The following CACNA2D1 variants were observed in gnomAD, a reference collection of about 807,000 sequenced individuals.
CACNA2D1 encodes voltage-dependent calcium channel subunit alpha-2/delta-1.
CACNA2D1 carries 53 observed loss-of-function variants against 171.5 expected under a neutral mutation model. That is an observed-to-expected ratio of 0.31 (90% CI 0.25 to 0.39). CACNA2D1 has a LOEUF of 0.39. Among genes scored for constraint, CACNA2D1 ranks in the 10% least tolerant of loss-of-function variants. The pLI, the probability that CACNA2D1 is intolerant of heterozygous loss-of-function variation, is 1.00. For synonymous variants in CACNA2D1, 442 were observed against 443.1 expected, an observed-to-expected ratio of 1.00 and a Z score of 0.03; for missense variants, 903 against 1,299.8, an observed-to-expected ratio of 0.69 and a Z score of 4.69.
intron 3 of CACNA2D1, among the ~76,000 whole-genome samples, chr7:82,198,056 A>G (rs1404738043): frequency 6.6e-5 from 10 of 152,112 alleles, no homozygotes; most frequent in African/African-American, 2.2e-4. Flanking sequence ...GAATGAGCTC[A>G]TGGTCCCAGG....
chr7:82,076,845 A>G (rs1386759138), intron 7 of CACNA2D1, among the ~76,000 whole-genome samples: 1 of 152,142 alleles, frequency 6.6e-6, no homozygotes, highest in Non-Finnish European at 1.5e-5. Context: ...TGACCTCACT[A>G]GTCTCCAGCA....
rs73386012 is a variant in CACNA2D1 at position 82,404,100 on chromosome 7, A to G, written c.95+39265T>C. 3.4e-3 allele frequency among the ~76,000 whole-genome samples: 512 copies of G among 152,328 alleles called. 2 individuals are homozygous for G. The highest frequency in any genetic ancestry group is 0.012 in the African/African-American group (492 of 41,586). ...CTATCTGCCTCTCACCCCAATCTCT[A>G]CAGCAACTCAGTAGCCAAAGGACGA... On this transcript the variant is annotated intron_variant, in intron 1 of 38. Coordinates refer to ENST00000356860, the MANE Select transcript of CACNA2D1 (RefSeq NM_000722.4).
chr7:82,413,530 G>A (rs919024387), intron 1 of CACNA2D1, among the ~76,000 whole-genome samples: 1 of 152,144 alleles, frequency 6.6e-6, no homozygotes, highest in African/African-American at 2.4e-5. Context: ...AAATGGACTT[G>A]TTCTATTATT....
intron 3 of CACNA2D1, among the ~76,000 whole-genome samples, chr7:82,333,107 T>C (rs1350457999): frequency 1.3e-5 from 2 of 152,160 alleles, no homozygotes; most frequent in Non-Finnish European, 2.9e-5. Context: ...TCAAATGGTA[T>C]AAAATACTGC....
intron 3 of CACNA2D1, among the ~76,000 whole-genome samples, chr7:82,237,435 TG>T (rs924730391): frequency 9.9e-5 from 15 of 152,064 alleles, no homozygotes; most frequent in East Asian, 1.9e-4. Flanking sequence ...TTTTCTAGAT[TG>T]TTTTTTTTCC....
chr7:82,332,192 G>T (rs950196017), intron 3 of CACNA2D1, among the ~76,000 whole-genome samples: 1 of 152,024 alleles, frequency 6.6e-6, no homozygotes, highest in Non-Finnish European at 1.5e-5. Flanking sequence ...CTCTGGAGTA[G>T]CTGGGATTAC....
chr7:82,060,208 T>TATAATATATAA (rs1806613915), intron 10 of CACNA2D1, among the ~76,000 whole-genome samples: 1 of 32,648 alleles, frequency 3.1e-5, no homozygotes, highest in Non-Finnish European at 5.3e-5. Flanking sequence ...ATATTATATA[T>TATAATATATAA]ATAATATATA....
At chr7:82,326,536 G>C (rs1193670400) in intron 3 of CACNA2D1, among the ~76,000 whole-genome samples, 1 of 152,164 alleles carries the variant, frequency 6.6e-6, no homozygotes, top group African/African-American at 2.4e-5. Context: ...TATGGAAAGT[G>C]CCTAGCAAAG....
chr7:82,135,794 T>G (rs1791537270), intron 5 of CACNA2D1, among the ~76,000 whole-genome samples: 1 of 152,162 alleles, frequency 6.6e-6, no homozygotes, highest in Admixed American at 6.5e-5. Context: ...ATGAGAAATG[T>G]GTGAAAGACA....
chr7:81,956,324 G>A (rs1048711085), intron 38 of CACNA2D1, among the ~76,000 whole-genome samples: 1 of 151,888 alleles, frequency 6.6e-6, no homozygotes, highest in African/African-American at 2.4e-5. Flanking sequence ...GCCTACTCAA[G>A]AGCAATACTT....
intron 4 of CACNA2D1, 28 bp downstream of exon 4, chr7:82,170,522 A>C (rs762935569): frequency 1.3e-6 from 2 of 1,537,776 alleles, no homozygotes; most frequent in Admixed American, 1.7e-5. Flanking sequence ...CAAGCTATTT[A>C]AATCAAGTAG....
In CACNA2D1 at chr7:82,428,225, AG is replaced by A. The variant is rs560031632; in HGVS notation, c.95+15139del. Among the ~76,000 whole-genome samples the A allele has an allele frequency of 2.0e-4, 31 of 152,372 alleles. No homozygotes were observed. The South Asian group carries it at 6.2e-3, about 31-fold the overall frequency. On this transcript the variant is annotated intron_variant, in intron 1 of 38. Transcript: ENST00000356860. Reference sequence around the variant, plus strand: ...ATGAAGCTTTAATGATATTCAGCATAGATCCAACATCTAAATCCATTTAAAT... The same window carrying A: ...ATGAAGCTTTAATGATATTCAGCATAATCCAACATCTAAATCCATTTAAAT...
intron 3 of CACNA2D1, among the ~76,000 whole-genome samples, chr7:82,175,442 T>G (rs901155816): frequency 6.6e-6 from 1 of 152,062 alleles, no homozygotes; most frequent in Non-Finnish European, 1.5e-5. Context: ...GATTAGCAAA[T>G]TCTTGTATTA....
intron 9 of CACNA2D1, among the ~76,000 whole-genome samples, chr7:82,063,156 A>G (rs1346318949): frequency 6.6e-6 from 1 of 152,144 alleles, no homozygotes; most frequent in African/African-American, 2.4e-5. Context: ...TAAATTTCAT[A>G]TACACTTTCA....
chr7:82,379,972 T>G (rs1462276740), intron 1 of CACNA2D1, among the ~76,000 whole-genome samples: 7 of 152,166 alleles, frequency 4.6e-5, no homozygotes, highest in Non-Finnish European at 1.0e-4. Context: ...TAGGCAATAT[T>G]TTTTACTCCC....
intron 3 of CACNA2D1, among the ~76,000 whole-genome samples, chr7:82,263,665 A>G (rs1234222525): frequency 2.0e-5 from 3 of 152,238 alleles, no homozygotes; most frequent in Non-Finnish European, 4.4e-5. Flanking sequence ...ATGAAAATAA[A>G]GGTATAGATA....
At chr7:82,315,427 A>G (rs562923055) in intron 3 of CACNA2D1, among the ~76,000 whole-genome samples, 2 of 152,324 alleles carry the variant, frequency 1.3e-5, no homozygotes, top group Admixed American at 1.3e-4. Context: ...CTAAAACAAT[A>G]AATGGTAAGT....
At chr7:82,350,048 G>T (rs922146816) in intron 1 of CACNA2D1, among the ~76,000 whole-genome samples, 1 of 152,126 alleles carries the variant, frequency 6.6e-6, no homozygotes, top group Non-Finnish European at 1.5e-5. Context: ...TTTGTAAAAT[G>T]CAAGAATAAT....
intron 4 of CACNA2D1, among the ~76,000 whole-genome samples, chr7:82,146,983 C>CA (rs764990586): frequency 0.02 from 501 of 25,522 alleles, 117 homozygotes; most frequent in Non-Finnish European, 0.022. Context: ...ACTCCCATCT[C>CA]AAAAAAAAAA....
Sources: gnomAD v4.1 joint callset for allele counts (sites outside exome capture counted in the v4.1 genomes callset) on GRCh38, gnomAD v4.1.1 for gene constraint, MANE v1.5 for transcripts, NCBI Gene and HGNC (gene_info 2026-07-23, HGNC 2026-07-21) for gene names.